Variants in ERC2 observed in about 807,000 individuals in gnomAD.
ERC2 encodes the protein ELKS/RAB6-interacting/CAST family member 2, also known as ERC protein 2.
A neutral mutation model predicts 114.8 loss-of-function variants in ERC2; 42 were observed. That is an observed-to-expected ratio of 0.37 (90% CI 0.29 to 0.47). The LOEUF (loss-of-function observed/expected upper bound fraction) is 0.47. Among genes scored for constraint, ERC2 ranks in the 20% least tolerant of loss-of-function variants. ERC2 has a pLI of 0.99. For missense variants in ERC2, 939 were observed against 1,150.7 expected, an observed-to-expected ratio of 0.82 and a Z score of 2.66; for synonymous variants, 454 against 425.5, an observed-to-expected ratio of 1.07 and a Z score of -0.82.
In ERC2 at chr3:56,138,051, C is replaced by CTTT. The variant is rs920983143; in HGVS notation, c.1473+1455_1473+1457dup. On this transcript the variant is annotated intron_variant, in intron 6 of 17. Transcript: ENST00000288221. ...CTATACACAACTGAAAATGGTATTTCTTTTTTTTTTTTTTTTTTTTTTTTT... is the reference window on the plus strand; with the variant it reads ...CTATACACAACTGAAAATGGTATTTCTTTTTTTTTTTTTTTTTTTTTTTTTTTT... Among the ~76,000 whole-genome samples the CTTT allele has an allele frequency of 6.0e-4, 56 of 92,680 alleles. 2 individuals carry two copies. The highest frequency in any genetic ancestry group is 1.4e-3 in the East Asian group (4 of 2,798). 60.8% of individuals were successfully genotyped at this position (92,680 alleles called of 152,430 possible). A position where few individuals can be genotyped will look rare whatever the true frequency, so the allele number is the denominator to read the frequency against.
At chr3:56,293,599 G>A (rs1393953278) in intron 3 of ERC2, among the ~76,000 whole-genome samples, 1 of 152,196 alleles carries the variant, frequency 6.6e-6, no homozygotes, top group African/African-American at 2.4e-5. Context: ...AGTTTAACAT[G>A]AGTCTTTTAT....
intron 2 of ERC2, among the ~76,000 whole-genome samples, chr3:56,413,716 G>A (rs1435313818): frequency 6.6e-6 from 1 of 152,138 alleles, no homozygotes; most frequent in Non-Finnish European, 1.5e-5. Context: ...AAAGAATAAT[G>A]CTCATTGCAC....
chr3:55,918,755 C>A (rs2065246507), intron 13 of ERC2, among the ~76,000 whole-genome samples: 1 of 150,784 alleles, frequency 6.6e-6, no homozygotes, highest in African/African-American at 2.4e-5. Context: ...GCACCAACAA[C>A]CAGATATGTA....
At chr3:55,863,165 CTCCTTGCTAA>C (rs56335117) in intron 14 of ERC2, among the ~76,000 whole-genome samples, 3,771 of 152,212 alleles carry the variant, frequency 0.025, 65 homozygotes, top group South Asian at 0.038. Flanking sequence ...TGACATTTTT[CTCCTTGCTAA>C]TCCTGCACTG....
At chr3:56,226,198 C>T (rs940945993) in intron 3 of ERC2, among the ~76,000 whole-genome samples, 2 of 152,032 alleles carry the variant, frequency 1.3e-5, no homozygotes, top group South Asian at 2.1e-4. Context: ...TATGAGCAAT[C>T]GAGTCTCATT....
At chr3:55,868,012 C>T (rs2062406378) in intron 14 of ERC2, among the ~76,000 whole-genome samples, 1 of 152,144 alleles carries the variant, frequency 6.6e-6, no homozygotes, top group South Asian at 2.1e-4. Flanking sequence ...GATCATCTAG[C>T]ATAGATAATT....
rs1045363591 is a variant in ERC2, at chr3:55,754,571, C to A, written c.2565-19653G>T. Among the ~76,000 whole-genome samples the A allele has an allele frequency of 1.6e-4, 9 of 56,394 alleles. 1 individual carries two copies. Among genetic ancestry groups the A allele is most frequent in the Non-Finnish European group, 4.3e-4 (8 of 18,502 alleles). The allele number at this position is 56,394 out of a possible 152,430, so 37.0% of individuals were successfully genotyped here. On this transcript the variant is annotated intron_variant, in intron 14 of 17. Coordinates refer to ENST00000288221, the MANE Select transcript of ERC2 (RefSeq NM_015576.3). ...GAATTTAATTTGCTTGAGAAAAAAA[C>A]CCTGCGTGGCTATGACAGTTATCCA...
At chr3:56,073,736 G>A (rs2076847492) in intron 7 of ERC2, among the ~76,000 whole-genome samples, 1 of 152,176 alleles carries the variant, frequency 6.6e-6, no homozygotes, top group Non-Finnish European at 1.5e-5. Context: ...GTCCAGGAAA[G>A]CTGCTTACAT....
intron 7 of ERC2, among the ~76,000 whole-genome samples, chr3:56,048,781 C>T (rs188990176): frequency 2.7e-3 from 418 of 152,202 alleles, no homozygotes; most frequent in Non-Finnish European, 4.7e-3. Flanking sequence ...TTGTGTACAA[C>T]GGGGGACACA....
intron 6 of ERC2, among the ~76,000 whole-genome samples, chr3:56,118,504 T>C (rs1236854995): frequency 6.6e-6 from 1 of 152,092 alleles, no homozygotes; most frequent in Non-Finnish European, 1.5e-5. Flanking sequence ...GAAAAATAAA[T>C]AGCAAGAACA....
chr3:55,919,817 G>A (rs113405704), intron 13 of ERC2, among the ~76,000 whole-genome samples: 1 of 152,142 alleles, frequency 6.6e-6, no homozygotes, highest in Non-Finnish European at 1.5e-5. Context: ...ATCAGGGGAA[G>A]GGCATTTTAG....
At chr3:56,080,312 G>T (rs1047895352) in intron 7 of ERC2, among the ~76,000 whole-genome samples, 3 of 152,160 alleles carry the variant, frequency 2.0e-5, no homozygotes, top group Non-Finnish European at 4.4e-5. Flanking sequence ...CTTCTGTGTT[G>T]CATCACTGTG....
chr3:55,698,430 G>T (rs560294030), intron 16 of ERC2, among the ~76,000 whole-genome samples: 1 of 152,122 alleles, frequency 6.6e-6, no homozygotes, highest in Non-Finnish European at 1.5e-5. Flanking sequence ...ACAGAGCCAC[G>T]TGAAAAGTTT....
At chr3:55,821,072 T>TAA (rs111769682) in intron 14 of ERC2, among the ~76,000 whole-genome samples, 1 of 151,562 alleles carries the variant, frequency 6.6e-6, no homozygotes, top group Admixed American at 6.6e-5. Context: ...GAAGAAGGGG[T>TAA]AAAAAAAAGA....
At chr3:56,060,595 C>A (rs569568434) in intron 7 of ERC2, among the ~76,000 whole-genome samples, 1 of 152,210 alleles carries the variant, frequency 6.6e-6, no homozygotes, top group South Asian at 2.1e-4. Context: ...AGGCTAATGA[C>A]GGTGGCAGTG....
intron 12 of ERC2, among the ~76,000 whole-genome samples, chr3:55,978,379 G>T (rs2069769220): frequency 6.6e-6 from 1 of 152,168 alleles, no homozygotes; most frequent in African/African-American, 2.4e-5. Flanking sequence ...CTGGGGTCAA[G>T]GGAAGCATGC....
intron 6 of ERC2, among the ~76,000 whole-genome samples, chr3:56,126,815 GGA>G (rs2079896904): frequency 6.9e-6 from 1 of 145,152 alleles, no homozygotes; most frequent in Non-Finnish European, 1.5e-5. Context: ...GGGAAGGAAA[GGA>G]AAGGAAAGGA....
At chr3:55,777,561 AT>A (rs773914844) in intron 14 of ERC2, among the ~76,000 whole-genome samples, 14 of 152,236 alleles carry the variant, frequency 9.2e-5, no homozygotes, top group Non-Finnish European at 1.3e-4. Flanking sequence ...AATGCTGTTC[AT>A]TACCCAGAAA....
chr3:56,259,972 G>A lies in ERC2; in HGVS notation c.1074+36047C>T, dbSNP rs150694928. Among the ~76,000 whole-genome samples the A allele has an allele frequency of 4.5e-4, 68 of 152,288 alleles. No homozygotes were observed. The East Asian group carries it at 5.2e-3, about 12-fold the overall frequency. On this transcript the variant is annotated intron_variant, in intron 3 of 17. Coordinates refer to ENST00000288221, the MANE Select transcript of ERC2 (RefSeq NM_015576.3). The stretch of plus-strand genomic sequence containing the variant: ...ATAGGCTCGGGTTCCCACCACCAGC[G>A]CTTCCTCAGGGCCAGCAGCACCCAG...
Sources: gnomAD v4.1 joint callset for allele counts (sites outside exome capture counted in the v4.1 genomes callset) on GRCh38, gnomAD v4.1.1 for gene constraint, MANE v1.5 for transcripts, NCBI Gene and HGNC (gene_info 2026-07-23, HGNC 2026-07-21) for gene names.